The following CACNA1G variants were observed in gnomAD, a reference collection of about 807,000 sequenced individuals.
CACNA1G encodes voltage-dependent T-type calcium channel subunit alpha-1G.
A neutral mutation model predicts 219.4 loss-of-function variants in CACNA1G; 67 were observed. The ratio of observed to expected loss-of-function variants is 0.31; its 90% confidence interval spans 0.25 to 0.37. The LOEUF is 0.37. Among genes scored for constraint, CACNA1G ranks in the 10% least tolerant of loss-of-function variants. The pLI, the probability that CACNA1G is intolerant of heterozygous loss-of-function variation, is 1.00. For synonymous variants in CACNA1G, 1,296 were observed against 1,345.3 expected (o/e 0.96, Z 0.80); for missense variants, 2,380 against 3,231.4 (o/e 0.74, Z 6.39).
chr17:50,569,123 C>T, intron 2 of CACNA1G, 42 bp from the exon 3 acceptor site: 10 of 1,604,274 alleles, frequency 6.2e-6, no homozygotes, highest in Non-Finnish European at 8.5e-6. Context: ...GGTATTCCCT[C>T]ACCCACGTCT....
intron 36 of CACNA1G, 23 bp downstream of exon 36, chr17:50,624,098 A>G (rs2052980044): frequency 6.2e-7 from 1 of 1,603,234 alleles, no homozygotes; most frequent in African/African-American, 1.3e-5. Context: ...GAGCAGGCCA[A>G]TTTGGCTCAC....
chr17:50,582,082 A>G (rs1025545990), intron 9 of CACNA1G, among the ~76,000 whole-genome samples: 1 of 152,234 alleles, frequency 6.6e-6, no homozygotes, highest in Non-Finnish European at 1.5e-5. Context: ...CCAGCACGCC[A>G]CTGGGCCCAA....
In CACNA1G at chr17:50,596,587, A is replaced by G. The variant is rs1410452496; in HGVS notation, c.3005A>G (p.Glu1002Gly). Residue 1002 changes from glutamate to glycine, a missense_variant, in exon 15 of 38, where the codon GAG becomes GGG. Around this residue, in one of 17 missense-constraint regions of CACNA1G, gnomAD observed 418 missense variants for 434.3 expected, o/e 0.96. Coordinates refer to ENST00000359106, the MANE Select transcript of CACNA1G (RefSeq NM_018896.5). The surrounding 1 kb of genome is among the most constrained non-coding windows in gnomAD (Gnocchi z 4.8). ...GGAGATGCCAACAAGTCCGAATCAG[A>G]GCCCGATTTCTTCTCACCCAGCCTG... ...QGGDANKSES[E>G]PDFFSPSLDG... 13 of 1,613,834 alleles carry G rather than the reference A, an allele frequency of 8.1e-6. No homozygotes were observed. Among genetic ancestry groups the G allele is most frequent in the African/African-American group, 1.3e-5 (1 of 74,926 alleles).
At chr17:50,589,825 C>G (rs1022410054) in intron 9 of CACNA1G, among the ~76,000 whole-genome samples, 1 of 152,018 alleles carries the variant, frequency 6.6e-6, no homozygotes, top group Non-Finnish European at 1.5e-5. Context: ...ACTGTGACAA[C>G]CCTTCCTGGG....
At chr17:50,565,800 A>G (rs1351570088) in intron 1 of CACNA1G, among the ~76,000 whole-genome samples, 1 of 152,176 alleles carries the variant, frequency 6.6e-6, no homozygotes, top group East Asian at 1.9e-4. Context: ...TTGTGGAGAT[A>G]ACATGCTCTA....
intron 34 of CACNA1G, among the ~76,000 whole-genome samples, chr17:50,620,692 G>A (rs1468082815): frequency 6.6e-6 from 1 of 152,220 alleles, no homozygotes; most frequent in Non-Finnish European, 1.5e-5. Context: ...GGGGCAGGCA[G>A]GTTCTTAGGA....
chr17:50,592,205 A>G, intron 13 of CACNA1G, 113 bp downstream of exon 13: 2 of 1,142,620 alleles, frequency 1.8e-6, no homozygotes, highest in Non-Finnish European at 2.5e-6. Flanking sequence ...GGGAAGTCCC[A>G]CAGGAAGAGC....
intron 16 of CACNA1G, 122 bp downstream of exon 16, chr17:50,597,045 G>A: frequency 1.1e-6 from 1 of 944,032 alleles, no homozygotes; most frequent in African/African-American, 1.7e-5. Flanking sequence ...GATGGGGCCT[G>A]GGTGTGCCTG....
chr17:50,585,677 G>A (rs1057398101), intron 9 of CACNA1G, among the ~76,000 whole-genome samples: 40 of 152,076 alleles, frequency 2.6e-4, no homozygotes, highest in African/African-American at 8.2e-4. Flanking sequence ...GAGAGCTTCC[G>A]GGGGCTGGGG....
chr17:50,604,594 C>A (rs1349851246), intron 22 of CACNA1G, among the ~76,000 whole-genome samples: 1 of 152,254 alleles, frequency 6.6e-6, no homozygotes, highest in Non-Finnish European at 1.5e-5. Context: ...ACTCCGGGAT[C>A]CCCTCCCTTC....
intron 25 of CACNA1G, 112 bp from the exon 26 acceptor site, chr17:50,609,770 C>T: frequency 1.1e-6 from 1 of 878,172 alleles, no homozygotes; most frequent in Non-Finnish European, 1.8e-6. Flanking sequence ...GGGCTCAGCG[C>T]ACCCCACCCA....
At position 50,618,386 on chromosome 17, in the gene CACNA1G, A is replaced by G. The variant is rs1475263706; in HGVS notation, c.5427+43A>G. The G allele has an allele frequency of 6.2e-7, 1 of 1,600,740 alleles. No homozygotes were observed. Among genetic ancestry groups the G allele is most frequent in the East Asian group, 2.2e-5 (1 of 44,564 alleles). On this transcript the variant is annotated intron_variant, in intron 32 of 37. Coordinates refer to ENST00000359106, the MANE Select transcript of CACNA1G (RefSeq NM_018896.5). This position sits in a 1 kb window ranked among gnomAD's most constrained non-coding sequence, Gnocchi z 5.3. The stretch of plus-strand genomic sequence containing the variant: ...GCCTAGGCTCCAGGGAGGCAGCCCC[A>G]CTTCCTGAGCTAGGATTCCTTGGGA...
At chr17:50,604,646 G>T (rs912571709) in intron 22 of CACNA1G, among the ~76,000 whole-genome samples, 4 of 152,266 alleles carry the variant, frequency 2.6e-5, no homozygotes, top group Non-Finnish European at 5.9e-5. Context: ...CAGGTCTGGG[G>T]ATCCAGGGCC....
chr17:50,623,190 G>A (rs903354700), intron 35 of CACNA1G, among the ~76,000 whole-genome samples: 3 of 139,804 alleles, frequency 2.1e-5, no homozygotes, highest in East Asian at 2.1e-4. Context: ...TGACCCCCCC[G>A]GCTCAAGCAA....
At chr17:50,614,880 C>T (rs1257914016) in intron 26 of CACNA1G, among the ~76,000 whole-genome samples, 1 of 152,250 alleles carries the variant, frequency 6.6e-6, no homozygotes, top group African/African-American at 2.4e-5. Context: ...CCGGTTTTAT[C>T]TCCAAATCCC....
intron 9 of CACNA1G, among the ~76,000 whole-genome samples, chr17:50,580,330 C>T (rs1240074258): frequency 2.0e-5 from 3 of 152,096 alleles, no homozygotes; most frequent in African/African-American, 7.2e-5. Context: ...CCTCCCATTA[C>T]TCAGGCTCCC....
Position 50,578,613 on chromosome 17 carries a change from G to A in CACNA1G, c.2301+49G>A, listed in dbSNP as rs767079117. The A allele has an allele frequency of 8.6e-6, 13 of 1,508,324 alleles. No homozygotes were observed. The East Asian group carries it at 2.8e-4, about 32-fold the overall frequency. 93.4% of individuals were successfully genotyped at this position (1,508,324 alleles called of 1,614,324 possible). A position where few individuals can be genotyped will look rare whatever the true frequency, so the allele number is the denominator to read the frequency against. On this transcript the variant is annotated intron_variant, in intron 9 of 37. Transcript: ENST00000359106. This position sits in a 1 kb window ranked among gnomAD's most constrained non-coding sequence, Gnocchi z 4.5. ...GCTCCTGCCAGCTGCTTTTCGCCTG[G>A]GGCTGGGGCCTTCTACCTCCCTCCG... is the stretch of plus-strand genomic sequence containing the variant.
At chr17:50,590,354 C>A in intron 9 of CACNA1G, 117 bp from the exon 10 acceptor site, 1 of 1,150,566 alleles carries the variant, frequency 8.7e-7, no homozygotes, top group Non-Finnish European at 1.3e-6. Context: ...ATCCAGCAAC[C>A]CCTCCGCACA....
At chr17:50,575,291 T>G (rs1403784194) in intron 7 of CACNA1G, among the ~76,000 whole-genome samples, 1 of 152,176 alleles carries the variant, frequency 6.6e-6, no homozygotes, top group Non-Finnish European at 1.5e-5. Context: ...GGTTCCAGTC[T>G]TAGCCTTGCT....
Sources: allele counts gnomAD v4.1 joint callset (sites outside exome capture counted in the v4.1 genomes callset), GRCh38; gene constraint gnomAD v4.1.1; regional missense constraint gnomAD v4.1.1; non-coding constraint Gnocchi (gnomAD v3.1); transcripts MANE v1.5; gene names NCBI Gene and HGNC (gene_info 2026-07-23, HGNC 2026-07-21).